FSTL4: variants seen among roughly 807,000 people sequenced by gnomAD.
FSTL4 encodes follistatin-related protein 4.
FSTL4 carries 28 observed loss-of-function variants against 78.2 expected under a neutral mutation model. That is an observed-to-expected ratio of 0.36 (90% CI 0.27 to 0.49). The LOEUF (loss-of-function observed/expected upper bound fraction) is 0.49, where lower values mean the gene tolerates loss of function less well. Among genes scored for constraint, FSTL4 ranks in the 20% least tolerant of loss-of-function variants. The probability of loss-of-function intolerance (pLI) is 0.98; values close to 1 mark genes in which losing one functional copy is unlikely to be tolerated. For missense variants in FSTL4, 922 were observed against 1,084.9 expected, an observed-to-expected ratio of 0.85 and a Z score of 2.11; for synonymous variants, 422 against 440.5, an observed-to-expected ratio of 0.96 and a Z score of 0.53.
At chr5:133,508,727 A>G (rs1176717383) in intron 3 of FSTL4, among the ~76,000 whole-genome samples, 2 of 152,236 alleles carry the variant, frequency 1.3e-5, no homozygotes, top group Non-Finnish European at 2.9e-5. Flanking sequence ...GTATCTGTGG[A>G]AGTCCTGAAA....
chr5:133,506,650 T>C (rs1758617942), intron 3 of FSTL4, among the ~76,000 whole-genome samples: 1 of 152,238 alleles, frequency 6.6e-6, no homozygotes, highest in South Asian at 2.1e-4. Flanking sequence ...AGCATTGTTA[T>C]GAGAGCAGAT....
chr5:133,609,482 T>A (rs1260070880), intron 1 of FSTL4, among the ~76,000 whole-genome samples: 1 of 152,166 alleles, frequency 6.6e-6, no homozygotes, highest in Non-Finnish European at 1.5e-5. Flanking sequence ...TCTCAAAGGC[T>A]TACGACCCTA....
chr5:133,258,100 C>T (rs1005146951), intron 6 of FSTL4, among the ~76,000 whole-genome samples: 1 of 152,180 alleles, frequency 6.6e-6, no homozygotes, highest in African/African-American at 2.4e-5. Flanking sequence ...GCTCATCTTC[C>T]AATTCCTGTG....
chr5:133,324,388 T>C (rs1055135443), intron 4 of FSTL4, among the ~76,000 whole-genome samples: 2 of 152,220 alleles, frequency 1.3e-5, no homozygotes, highest in African/African-American at 4.8e-5. Context: ...GGCACCTGCA[T>C]GGTGGTGGGG....
At chr5:133,240,460 C>A (rs566981519) in intron 7 of FSTL4, among the ~76,000 whole-genome samples, 2 of 152,184 alleles carry the variant, frequency 1.3e-5, no homozygotes, top group Non-Finnish European at 2.9e-5. Context: ...GTGTGAGCAA[C>A]CTGGAGTGGG....
At chr5:133,438,494 C>G (rs1360364259) in intron 3 of FSTL4, among the ~76,000 whole-genome samples, 2 of 152,146 alleles carry the variant, frequency 1.3e-5, no homozygotes, top group African/African-American at 2.4e-5. Context: ...TATATGAAGT[C>G]CCTGAATTTA....
the FSTL4 span, among the ~76,000 whole-genome samples, chr5:133,665,304 C>T: frequency 0.29 from 44,503 of 152,074 alleles, 7,136 homozygotes; most frequent in Middle Eastern, 0.5. Flanking sequence ...TTGGTCAGGC[C>T]ATGTTCCATG....
At chr5:133,480,939 G>A (rs1309430199) in intron 3 of FSTL4, among the ~76,000 whole-genome samples, 2 of 152,148 alleles carry the variant, frequency 1.3e-5, no homozygotes, top group Admixed American at 6.5e-5. Flanking sequence ...AGCAGGTGCC[G>A]CACATCACAT....
intron 6 of FSTL4, among the ~76,000 whole-genome samples, chr5:133,254,558 G>A (rs1375312900): frequency 6.6e-6 from 1 of 152,202 alleles, no homozygotes; most frequent in East Asian, 1.9e-4. Context: ...GACCATCATA[G>A]GGATGCAGAG....
the FSTL4 span, among the ~76,000 whole-genome samples, chr5:133,828,532 C>A: frequency 2.6e-5 from 4 of 152,174 alleles, no homozygotes; most frequent in African/African-American, 9.7e-5. Flanking sequence ...TCTGTAGGAA[C>A]GAGTGCCCTA....
the FSTL4 span, among the ~76,000 whole-genome samples, chr5:133,690,925 G>A: frequency 6.6e-6 from 1 of 152,186 alleles, no homozygotes. Flanking sequence ...CACCCTGGCA[G>A]GGGCATCTCA....
the FSTL4 span, among the ~76,000 whole-genome samples, chr5:133,681,573 A>T: frequency 6.7e-6 from 1 of 150,102 alleles, no homozygotes; most frequent in East Asian, 1.9e-4. Context: ...GAGGAAAAAG[A>T]AAAAAAAAAC....
Position 133,198,405 on chromosome 5 carries a change from C to T in FSTL4, c.*690G>A, listed in dbSNP as rs112299940. The T allele has an allele frequency of 2.1e-3, 325 of 152,564 alleles. 1 individual carries two copies. Among genetic ancestry groups the T allele is most frequent in the Non-Finnish European group, 2.7e-3 (185 of 68,014 alleles). 9.5% of individuals were successfully genotyped at this position (152,564 alleles called of 1,614,324 possible). ...TGGGGTTGTGACCACCCCCGAGACT[C>T]GGCCTAAGGCAGGGAAGGATATAGT... On this transcript the variant is annotated 3_prime_UTR_variant, in exon 16 of 16. Transcript: ENST00000265342.
chr5:133,406,606 G>A (rs566563686), intron 3 of FSTL4, among the ~76,000 whole-genome samples: 59 of 152,250 alleles, frequency 3.9e-4, no homozygotes, highest in African/African-American at 1.2e-3. Context: ...ACCCTGTAAC[G>A]CCTCATTTAT....
chr5:133,810,024 C>T, the FSTL4 span, among the ~76,000 whole-genome samples: 2 of 152,256 alleles, frequency 1.3e-5, no homozygotes, highest in African/African-American at 2.4e-5. Flanking sequence ...GAGCAATGCA[C>T]TGATAGGCGG....
chr5:133,417,894 G>C (rs1301185146), intron 3 of FSTL4, among the ~76,000 whole-genome samples: 1 of 149,506 alleles, frequency 6.7e-6, no homozygotes, highest in East Asian at 2.0e-4. Context: ...GGGAGGCGGA[G>C]GTTGCAGTGA....
At chr5:133,509,110 C>T (rs144445401) in intron 3 of FSTL4, among the ~76,000 whole-genome samples, 3,311 of 152,260 alleles carry the variant, frequency 0.022, 57 homozygotes, top group Non-Finnish European at 0.033. Flanking sequence ...GGAAATAAAT[C>T]TAGTTTTGAT....
intron 6 of FSTL4, among the ~76,000 whole-genome samples, chr5:133,279,317 A>T (rs771926954): frequency 6.6e-6 from 1 of 152,104 alleles, no homozygotes; most frequent in East Asian, 1.9e-4. Context: ...CATGTGGGGG[A>T]TTTAGGTAAT....
intron 4 of FSTL4, among the ~76,000 whole-genome samples, chr5:133,398,031 C>A (rs576681882): frequency 1.3e-5 from 2 of 152,200 alleles, no homozygotes; most frequent in East Asian, 3.9e-4. Flanking sequence ...TTCTTTATAT[C>A]CTCCTTTGTT....
Sources: gnomAD v4.1 joint callset for allele counts (sites outside exome capture counted in the v4.1 genomes callset) on GRCh38, gnomAD v4.1.1 for gene constraint, MANE v1.5 for transcripts, NCBI Gene and HGNC (gene_info 2026-07-23, HGNC 2026-07-21) for gene names.